NVL: variants seen among roughly 807,000 people sequenced by gnomAD.
NVL encodes nuclear valosin-containing protein-like.
A neutral mutation model predicts 110.2 loss-of-function variants in NVL; 84 were observed. That is an observed-to-expected ratio of 0.76 (90% CI 0.64 to 0.91). The LOEUF (loss-of-function observed/expected upper bound fraction) is 0.91. Ranked by LOEUF, NVL falls within the 40% of genes least tolerant of loss-of-function variation. The pLI is 0.00. For missense variants in NVL, 882 were observed against 1,035.9 expected, an observed-to-expected ratio of 0.85 and a Z score of 2.04; for synonymous variants, 354 against 361.1, an observed-to-expected ratio of 0.98 and a Z score of 0.22.
chr1:224,307,396 C>T (rs571791262), intron 6 of NVL, among the ~76,000 whole-genome samples: 2 of 152,154 alleles, frequency 1.3e-5, no homozygotes, highest in Non-Finnish European at 2.9e-5. Context: ...AATGAAGCCA[C>T]TGGAGGGTTT....
chr1:224,304,624 C>T (rs921980135), intron 8 of NVL, 112 bp downstream of exon 8: 4 of 893,524 alleles, frequency 4.5e-6, no homozygotes, highest in Non-Finnish European at 7.2e-6. Flanking sequence ...TCTCAACCTT[C>T]CCAGTTTCCT....
chr1:224,296,643 G>T, intron 10 of NVL, 25 bp from the exon 11 acceptor site: 1 of 1,431,294 alleles, frequency 7.0e-7, no homozygotes. Context: ...ATCACAAAAA[G>T]ACAATCATAA....
chr1:224,320,369 C>T (rs907127862), intron 2 of NVL, among the ~76,000 whole-genome samples: 4 of 152,070 alleles, frequency 2.6e-5, no homozygotes, highest in African/African-American at 7.2e-5. Flanking sequence ...AAATCTGTGC[C>T]AGCGCAGTGG....
At chr1:224,322,771 C>T (rs1034739429) in intron 2 of NVL, among the ~76,000 whole-genome samples, 6 of 152,044 alleles carry the variant, frequency 3.9e-5, no homozygotes, top group African/African-American at 1.4e-4. Context: ...CTGGGCAACA[C>T]AGTGAAACCC....
At chr1:224,229,247 G>A (rs1044416986) in intron 22 of NVL, among the ~76,000 whole-genome samples, 7 of 151,516 alleles carry the variant, frequency 4.6e-5, no homozygotes, top group Non-Finnish European at 7.4e-5. Flanking sequence ...GGTGAGCTGC[G>A]ATTGTGCCAT....
chr1:224,290,077 A>G (rs1667230735), intron 12 of NVL, among the ~76,000 whole-genome samples: 1 of 152,230 alleles, frequency 6.6e-6, no homozygotes, highest in African/African-American at 2.4e-5. Context: ...TTAAATGGAT[A>G]TCTACCAGAA....
At chr1:224,328,460 C>T (rs2896991) in intron 1 of NVL, among the ~76,000 whole-genome samples, 82 of 101,268 alleles carry the variant, frequency 8.1e-4, no homozygotes, top group African/African-American at 2.8e-3. Context: ...GCAGAGGTTG[C>T]AGTGAGCAGA....
chr1:224,260,775 C>T (rs867566846), intron 18 of NVL, among the ~76,000 whole-genome samples: 1 of 147,388 alleles, frequency 6.8e-6, no homozygotes. Flanking sequence ...AATCATAGCT[C>T]ACTGTGGCCT....
At chr1:224,230,858 G>C (rs1328593288) in intron 22 of NVL, among the ~76,000 whole-genome samples, 1 of 152,108 alleles carries the variant, frequency 6.6e-6, no homozygotes, top group African/African-American at 2.4e-5. Flanking sequence ...ATTCAGCCGG[G>C]CGCGGTGGCT....
At chr1:224,261,895 A>AG (rs2102801957) in intron 18 of NVL, among the ~76,000 whole-genome samples, 1 of 152,150 alleles carries the variant, frequency 6.6e-6, no homozygotes, top group African/African-American at 2.4e-5. Context: ...TAGGAGGTTG[A>AG]GGCTGCAGTG....
intron 2 of NVL, among the ~76,000 whole-genome samples, chr1:224,322,619 G>A (rs746732978): frequency 2.0e-5 from 3 of 152,166 alleles, no homozygotes; most frequent in Non-Finnish European, 2.9e-5. Flanking sequence ...TGAGGTGCAT[G>A]TTAGAAGAAA....
At chr1:224,297,468 A>G (rs1371322936) in intron 10 of NVL, among the ~76,000 whole-genome samples, 2 of 152,154 alleles carry the variant, frequency 1.3e-5, no homozygotes, top group Non-Finnish European at 2.9e-5. Flanking sequence ...ATGGCCAGGG[A>G]CTGGTAGGAG....
At chr1:224,238,311 G>A (rs746121175) in intron 19 of NVL, among the ~76,000 whole-genome samples, 15 of 152,142 alleles carry the variant, frequency 9.9e-5, no homozygotes, top group Non-Finnish European at 1.5e-4. Context: ...GAGATTACAG[G>A]TGAGGGCCAC....
intron 21 of NVL, chr1:224,232,275 C>G (rs1394564825): frequency 6.7e-6 from 1 of 150,076 alleles, no homozygotes; most frequent in Non-Finnish European, 1.5e-5. Context: ...ATGGCATGAA[C>G]CCGAGAGGCG....
chr1:224,250,255 G>T lies in NVL; in HGVS notation c.2246C>A (p.Pro749Gln). The change falls in exon 19 of 23, where the codon CCG becomes CAG. Residue 749 changes from proline to glutamine, a missense_variant. By Grantham distance (76) the Pro-to-Gln change is moderately conservative (BLOSUM62 -1). Coordinates refer to ENST00000281701, the MANE Select transcript of NVL (RefSeq NM_002533.4). The stretch of plus-strand genomic sequence containing the variant: ...GATGGCAAGGCGATCTGCAGGGGGC[G>T]GTAAACCCACAAACAGTGTTTTGTC... ...RLDKTLFVGL[P>Q]PPADRLAILK... 1 of 1,608,994 alleles carries T rather than the reference G, an allele frequency of 6.2e-7. No homozygotes were observed. Among genetic ancestry groups the T allele is most frequent in the Non-Finnish European group, 8.5e-7 (1 of 1,177,984 alleles).
intron 12 of NVL, among the ~76,000 whole-genome samples, chr1:224,290,095 C>T (rs1033599064): frequency 6.6e-6 from 1 of 152,104 alleles, no homozygotes; most frequent in Non-Finnish European, 1.5e-5. Flanking sequence ...GAAATAAAAG[C>T]CCCCACATAC....
At position 224,286,009 on chromosome 1, in the gene NVL, T is replaced by C. The variant is rs778206722; in HGVS notation, c.1899+17A>G. On this transcript the variant is annotated intron_variant, in intron 15 of 22. Coordinates refer to ENST00000281701, the MANE Select transcript of NVL (RefSeq NM_002533.4). The stretch of plus-strand genomic sequence containing the variant: ...ATACTAAGAAATAAATTACATGCAA[T>C]TGAACTTATATGATACCTTCGCCAG... 2.5e-6 allele frequency: 4 copies of C among 1,580,976 alleles called. No individual in the cohort carries two copies. The highest frequency in any genetic ancestry group is 3.5e-6 in the Non-Finnish European group (4 of 1,150,022).
chr1:224,270,561 A>AAAAC (rs201437756), intron 17 of NVL, among the ~76,000 whole-genome samples: 17 of 152,144 alleles, frequency 1.1e-4, no homozygotes, highest in African/African-American at 2.2e-4. Context: ...CTCAAAACAG[A>AAAAC]AAACAAACAA....
rs1297042044 is a variant in NVL at position 224,250,284 on chromosome 1, G to A, written c.2217C>T (p.Arg739=). The A allele has an allele frequency of 1.2e-6, 2 of 1,602,278 alleles. No individual in the cohort carries two copies. Among genetic ancestry groups the A allele is most frequent in the Non-Finnish European group, 1.7e-6 (2 of 1,175,758 alleles). The change falls in exon 19 of 23, where the codon CGC becomes CGT. Residue 739 remains arginine, a synonymous_variant. Transcript: ENST00000281701. Reference sequence around the variant, plus strand: ...AACCCACAAACAGTGTTTTGTCCAGGCGGCCCGGGCGCAGGATTGCAGGGT... The same window carrying A: ...AACCCACAAACAGTGTTTTGTCCAGACGGCCCGGGCGCAGGATTGCAGGGT... ...IIDPAILRPG[R]LDKTLFVGLP... is the part of the protein sequence containing the mutation.
Sources: allele counts gnomAD v4.1 joint callset (sites outside exome capture counted in the v4.1 genomes callset), GRCh38; gene constraint gnomAD v4.1.1; transcripts MANE v1.5; gene names NCBI Gene and HGNC (gene_info 2026-07-23, HGNC 2026-07-21).